DOT1L: variants seen among roughly 807,000 people sequenced by gnomAD.
DOT1L encodes histone-lysine N-methyltransferase, H3 lysine-79 specific.
A neutral mutation model predicts 153.3 loss-of-function variants in DOT1L; 33 were observed. That is an observed-to-expected ratio of 0.22 (90% CI 0.16 to 0.29). DOT1L has a LOEUF of 0.29. Ranked by LOEUF, DOT1L falls within the 10% of genes least tolerant of loss-of-function variation. DOT1L has a pLI of 1.00. For synonymous variants in DOT1L, 1,135 were observed against 965.1 expected, an observed-to-expected ratio of 1.18 and a Z score of -3.26; for missense variants, 1,847 against 2,119.9, an observed-to-expected ratio of 0.87 and a Z score of 2.53.
At position 2,207,174 on chromosome 19, in the gene DOT1L, G is replaced by T. The variant is rs143921667; in HGVS notation, c.856+377G>T. On this transcript the variant is annotated intron_variant, in intron 10 of 27. Coordinates refer to ENST00000398665, the MANE Select transcript of DOT1L (RefSeq NM_032482.3). The surrounding 1 kb of genome is among the most constrained non-coding windows in gnomAD (Gnocchi z 4.5). ...TGCCCCCTGCCTGCCTTACTGTGCT[G>T]CGTGCTCTGTCAGCTCCCAGCCTTG... 7.9e-4 allele frequency among the ~76,000 whole-genome samples: 120 copies of T among 152,338 alleles called. 1 individual carries two copies. The highest frequency in any genetic ancestry group is 3.5e-3 in the Admixed American group (53 of 15,310).
rs1003762681 is a variant in DOT1L at position 2,221,846 on chromosome 19, C to T, written c.2807-130C>T. The stretch of plus-strand genomic sequence containing the variant: ...CCACCCCAGAGGGGCCGTTTTCAGA[C>T]TCCCAACCCCTTCCCCACTTCCCCG... On this transcript the variant is annotated intron_variant, in intron 23 of 27. Transcript: ENST00000398665. 3 of 994,288 alleles carry T rather than the reference C, an allele frequency of 3.0e-6. No homozygotes were observed. The African/African-American group carries it at 4.9e-5, about 16-fold the overall frequency. 61.6% of individuals were successfully genotyped at this position (994,288 alleles called of 1,614,324 possible).
At chr19:2,211,611 C>A in intron 15 of DOT1L, 140 bp from the exon 16 acceptor site, 1 of 725,172 alleles carries the variant, frequency 1.4e-6, no homozygotes, top group Non-Finnish European at 2.2e-6. Flanking sequence ...GCATGGGCCC[C>A]GCCAGGCTCT....
At chr19:2,218,997 G>A (rs1296029915) in intron 22 of DOT1L, among the ~76,000 whole-genome samples, 1 of 152,128 alleles carries the variant, frequency 6.6e-6, no homozygotes, top group Non-Finnish European at 1.5e-5. Flanking sequence ...TCAGCCTCCC[G>A]AGTAGCTGGG....
intron 7 of DOT1L, 39 bp downstream of exon 7, chr19:2,194,616 C>T (rs370930837): frequency 4.4e-5 from 70 of 1,598,756 alleles, no homozygotes; most frequent in Non-Finnish European, 4.3e-5. Context: ...CATCGCCGGC[C>T]CCACCCCCGC....
intron 1 of DOT1L, among the ~76,000 whole-genome samples, chr19:2,166,682 AT>A (rs2019936024): frequency 6.6e-6 from 1 of 152,182 alleles, no homozygotes; most frequent in Non-Finnish European, 1.5e-5. Flanking sequence ...AAGTGCCGGG[AT>A]TACAGGGGTG....
intron 23 of DOT1L, chr19:2,221,678 A>G (rs2024120461): frequency 4.6e-6 from 2 of 438,260 alleles, no homozygotes; most frequent in South Asian, 5.5e-5. Flanking sequence ...GAGGAAGCCT[A>G]GCTCAGCGGG....
chr19:2,218,686 T>C (rs532107398), intron 22 of DOT1L, among the ~76,000 whole-genome samples: 2 of 151,184 alleles, frequency 1.3e-5, no homozygotes, highest in Non-Finnish European at 2.9e-5. Flanking sequence ...AGCCACGACG[T>C]CTGGCCTCTT....
At chr19:2,183,690 A>G (rs1470076938) in intron 2 of DOT1L, among the ~76,000 whole-genome samples, 2 of 149,508 alleles carry the variant, frequency 1.3e-5, no homozygotes, top group Middle Eastern at 3.5e-3. Flanking sequence ...GTGGTGGCGC[A>G]TCCTCGGCTC....
At chr19:2,167,319 T>C (rs1599522527) in intron 1 of DOT1L, among the ~76,000 whole-genome samples, 2 of 152,254 alleles carry the variant, frequency 1.3e-5, no homozygotes, top group South Asian at 4.1e-4. Flanking sequence ...GGGCCTGGGG[T>C]AGTGGTCTTG....
intron 22 of DOT1L, among the ~76,000 whole-genome samples, chr19:2,218,518 C>T (rs964449567): frequency 9.9e-5 from 15 of 151,594 alleles, no homozygotes; most frequent in African/African-American, 3.4e-4. Flanking sequence ...CTCAGCCTCC[C>T]GAGTAGCTGG....
chr19:2,227,519 C>T (rs1040006259), intron 27 of DOT1L: 5 of 528,252 alleles, frequency 9.5e-6, no homozygotes, highest in Non-Finnish European at 1.7e-5. Flanking sequence ...GAGGAGCCGC[C>T]GGGGGGAGCG....
In DOT1L at chr19:2,222,534, G is replaced by A; in HGVS notation, c.3365G>A (p.Gly1122Glu). The A allele has an allele frequency of 6.4e-7, 1 of 1,557,886 alleles. No homozygotes were observed. The highest frequency in any genetic ancestry group is 8.7e-7 in the Non-Finnish European group (1 of 1,155,872). ...GCTGGCCTTTTCACACAGCCTTCGGGGTCTCCCCTCAACCTCAACTCCATG... is the reference window on the plus strand; with the variant it reads ...GCTGGCCTTTTCACACAGCCTTCGGAGTCTCCCCTCAACCTCAACTCCATG... ...SVAGLFTQPSGSPLNLNSMVS... is the reference protein window; with the variant it reads ...SVAGLFTQPSESPLNLNSMVS... Residue 1122 changes from glycine (G) to glutamate (E), a missense_variant, in exon 24 of 28, where the codon GGG becomes GAG. Transcript: ENST00000398665. This position sits in a 1 kb window ranked among gnomAD's most constrained non-coding sequence, Gnocchi z 6.5.
intron 12 of DOT1L, among the ~76,000 whole-genome samples, chr19:2,209,766 C>A (rs899876462): frequency 6.6e-6 from 1 of 152,236 alleles, no homozygotes; most frequent in Non-Finnish European, 1.5e-5. Context: ...GAACCCCGTA[C>A]AGGAAGGGCT....
At chr19:2,227,449 C>G in intron 27 of DOT1L, 1 of 591,108 alleles carries the variant, frequency 1.7e-6, no homozygotes, top group Non-Finnish European at 3.2e-6. Context: ...TCTGGCAAGG[C>G]TCTGGGAGCT....
Position 2,217,671 on chromosome 19 carries a change from G to C in DOT1L, c.2545-101G>C, listed in dbSNP as rs1464901090. 1 of 1,480,522 alleles carries C rather than the reference G, an allele frequency of 6.8e-7. No individual in the cohort carries two copies. The highest frequency in any genetic ancestry group is 2.1e-5 in the Admixed American group (1 of 47,936). The allele number at this position is 1,480,522 out of a possible 1,614,324, so 91.7% of individuals were successfully genotyped here. A position where few individuals can be genotyped will look rare whatever the true frequency, so the allele number is the denominator to read the frequency against. On this transcript the variant is annotated intron_variant, in intron 21 of 27. Coordinates refer to ENST00000398665, the MANE Select transcript of DOT1L (RefSeq NM_032482.3). The surrounding 1 kb of genome is among the most constrained non-coding windows in gnomAD (Gnocchi z 7.3). Reference sequence around the variant, plus strand: ...GCAGGGCCTTGGCAGCGTGGGGGCCGCCTTGAGAGAGCTGTAGCAGGCCCC... The same window carrying C: ...GCAGGGCCTTGGCAGCGTGGGGGCCCCCTTGAGAGAGCTGTAGCAGGCCCC...
Position 2,230,123 on chromosome 19 carries a change from G to A in DOT1L, c.*331G>A. On this transcript the variant is annotated 3_prime_UTR_variant, in exon 28 of 28. Transcript: ENST00000398665. ...TCTATATAAAGACACGTGTCTGCAG[G>A]GCGGGCCCGCCAGCGGATTCGCCAC... 3 of 520,836 alleles carry A rather than the reference G, an allele frequency of 5.8e-6. No homozygotes were observed. The highest frequency in any genetic ancestry group is 2.9e-5 in the South Asian group (1 of 34,236). The allele number at this position is 520,836 out of a possible 1,614,324, so 32.3% of individuals were successfully genotyped here.
intron 19 of DOT1L, 198 bp downstream of exon 19, chr19:2,214,794 C>T (rs1486276855): frequency 4.2e-6 from 3 of 712,644 alleles, no homozygotes; most frequent in Non-Finnish European, 6.4e-6. Context: ...TCACTCTAGC[C>T]CTCAGCTCTC....
chr19:2,174,269 C>G (rs1028092399), intron 1 of DOT1L, among the ~76,000 whole-genome samples: 7 of 152,364 alleles, frequency 4.6e-5, no homozygotes, highest in Non-Finnish European at 8.8e-5. Flanking sequence ...GCCCTTGATC[C>G]TACAGACAGA....
chr19:2,165,081 G>A (rs2019857716), intron 1 of DOT1L, among the ~76,000 whole-genome samples: 1 of 152,234 alleles, frequency 6.6e-6, no homozygotes, highest in African/African-American at 2.4e-5. Flanking sequence ...GCGGCTCCCG[G>A]GGTGCGAGTC....
Sources: allele counts gnomAD v4.1 joint callset (sites outside exome capture counted in the v4.1 genomes callset), GRCh38; gene constraint gnomAD v4.1.1; non-coding constraint Gnocchi (gnomAD v3.1); transcripts MANE v1.5; gene names NCBI Gene and HGNC (gene_info 2026-07-23, HGNC 2026-07-21).